Variants in ZSWIM8 observed in about 807,000 individuals in gnomAD.
ZSWIM8 encodes zinc finger SWIM-type containing 8, also known as zinc finger SWIM domain-containing protein 8.
ZSWIM8 carries 27 observed loss-of-function variants against 173.7 expected under a neutral mutation model. That is an observed-to-expected ratio of 0.16 (90% confidence interval 0.11 to 0.21). ZSWIM8 has a LOEUF of 0.21. ZSWIM8 is among the 10% of genes least tolerant of loss of function. The pLI is 1.00. For missense variants in ZSWIM8, 1,627 were observed against 2,428.8 expected, an observed-to-expected ratio of 0.67 and a Z score of 6.94; for synonymous variants, 958 against 962.0, an observed-to-expected ratio of 1.00 and a Z score of 0.08.
chr10:73,793,543 G>A, intron 10 of ZSWIM8, 45 bp from the exon 11 acceptor site: 2 of 1,530,662 alleles, frequency 1.3e-6, no homozygotes, highest in Non-Finnish European at 1.8e-6. Context: ...TCCTGCTCCT[G>A]GAAGTTGGGA....
In ZSWIM8 at chr10:73,796,851, C is replaced by T. The variant is rs1211214030; in HGVS notation, c.3111C>T (p.Arg1037=). The T allele has an allele frequency of 3.7e-6, 6 of 1,614,052 alleles. No individual in the cohort carries two copies. The highest frequency in any genetic ancestry group is 3.3e-4 in the Middle Eastern group (2 of 6,062). The change falls in exon 16 of 26, where the codon CGC becomes CGT. Residue 1037 remains arginine (R), a synonymous_variant. Coordinates refer to ENST00000604729, the MANE Select transcript of ZSWIM8 (RefSeq NM_001367799.1). ...QTLSSFYSSS[R]PTTASQRSPS... Reference sequence around the variant, plus strand: ...TGAGTTCTTTCTACTCATCTAGCCGCCCAACCACAGCCAGCCAGAGGTCTC... The same window carrying T: ...TGAGTTCTTTCTACTCATCTAGCCGTCCAACCACAGCCAGCCAGAGGTCTC...
At position 73,801,218 on chromosome 10, in the gene ZSWIM8, C is replaced by A. The variant is rs747969182; in HGVS notation, c.5301+23C>A. 2.6e-5 allele frequency: 41 copies of A among 1,600,030 alleles called. No homozygotes were observed. Among genetic ancestry groups the A allele is most frequent in the Non-Finnish European group, 3.0e-5 (35 of 1,172,096 alleles). The stretch of plus-strand genomic sequence containing the variant: ...CAGGTGACAACCTAGAATTATGGAG[C>A]AGGGTGGAGCACTTCCTGGGTGGTC... On this transcript the variant is annotated intron_variant, in intron 25 of 25. Transcript: ENST00000604729. This position sits in a 1 kb window ranked among gnomAD's most constrained non-coding sequence, Gnocchi z 4.9.
chr10:73,789,285 C>T lies in ZSWIM8; in HGVS notation c.458-82C>T, dbSNP rs1362277268. 6 of 1,593,858 alleles carry T rather than the reference C, an allele frequency of 3.8e-6. No homozygotes were observed. Among genetic ancestry groups the T allele is most frequent in the Non-Finnish European group, 4.3e-6 (5 of 1,167,726 alleles). The stretch of plus-strand genomic sequence containing the variant: ...ACCGCAAGAAGCTGGAGCATGTTGT[C>T]TGAATAACTGCAGGGCCAGGGTCAA... On this transcript the variant is annotated intron_variant, in intron 3 of 25. Transcript: ENST00000604729. The surrounding 1 kb of genome is among the most constrained non-coding windows in gnomAD (Gnocchi z 6.8).
rs749073431 is a variant in ZSWIM8, at chr10:73,786,104, G to A, written c.208+18G>A. On this transcript the variant is annotated intron_variant, in intron 1 of 25. Coordinates refer to ENST00000604729, the MANE Select transcript of ZSWIM8 (RefSeq NM_001367799.1). ...AATGCGAGGTGAGAGTGAGCTGGGG[G>A]GAAGAGGAGCGGCAGGCCCTGCTTG... 16 of 1,536,242 alleles carry A rather than the reference G, an allele frequency of 1.0e-5. No individual in the cohort carries two copies. In the Admixed American group the frequency reaches 2.5e-4, roughly 24 times the overall value.
intron 6 of ZSWIM8, 21 bp downstream of exon 6, chr10:73,790,058 T>A (rs1265148405): frequency 3.1e-6 from 5 of 1,609,976 alleles, no homozygotes; most frequent in African/African-American, 2.7e-5. Flanking sequence ...TGAGAAAGAT[T>A]GGCAGTAGGA....
At position 73,785,786 on chromosome 10, in the gene ZSWIM8, C is replaced by T. The variant is rs1450216208; in HGVS notation, c.-93C>T. The T allele has an allele frequency of 1.5e-6, 2 of 1,371,216 alleles. No individual in the cohort carries two copies. The highest frequency in any genetic ancestry group is 3.1e-5 in the East Asian group (1 of 31,948). 84.9% of individuals were successfully genotyped at this position (1,371,216 alleles called of 1,614,324 possible). A position where few individuals can be genotyped will look rare whatever the true frequency, so the allele number is the denominator to read the frequency against. ...CCCGGCCACCCCCAGCCCCGGCTCGCCCCTCAGGCCCCGGGCCTCCCCTCA... is the reference window on the plus strand; with the variant it reads ...CCCGGCCACCCCCAGCCCCGGCTCGTCCCTCAGGCCCCGGGCCTCCCCTCA... On this transcript the variant is annotated 5_prime_UTR_variant, in exon 1 of 26. Coordinates refer to ENST00000604729, the MANE Select transcript of ZSWIM8 (RefSeq NM_001367799.1).
Position 73,789,580 on chromosome 10 carries a change from C to T in ZSWIM8, c.630+41C>T. 2.5e-6 allele frequency: 4 copies of T among 1,597,666 alleles called. No individual in the cohort carries two copies. The highest frequency in any genetic ancestry group is 4.5e-5 in the East Asian group (2 of 44,512). The stretch of plus-strand genomic sequence containing the variant: ...TTTATCCCGGCCCTATCCTACACTC[C>T]ATCCCCCCCTTCTCTGCTGCATGCC... On this transcript the variant is annotated intron_variant, in intron 4 of 25. Transcript: ENST00000604729. This position sits in a 1 kb window ranked among gnomAD's most constrained non-coding sequence, Gnocchi z 6.8.
chr10:73,794,300 A>G lies in ZSWIM8; in HGVS notation c.2779A>G (p.Ser927Gly). ...YRPVLPLMLA[S>G]FIFDVLCAPV... The stretch of plus-strand genomic sequence containing the variant: ...GCCTGTGTTGCCTCTCATGCTGGCC[A>G]GTTTCATCTTTGACGTTCTCTGTGC... Residue 927 changes from serine (S) to glycine (G), a missense_variant, in exon 13 of 26, where the codon AGT becomes GGT. By Grantham distance (56) the Ser-to-Gly change is moderately conservative. Transcript: ENST00000604729. 1 of 1,613,968 alleles carries G rather than the reference A, an allele frequency of 6.2e-7. No individual in the cohort carries two copies. The highest frequency in any genetic ancestry group is 8.5e-7 in the Non-Finnish European group (1 of 1,179,888).
rs777201204 is a variant in ZSWIM8 at position 73,797,955 on chromosome 10, C to A, written c.3837C>A (p.His1279Gln). 6.2e-7 allele frequency: 1 copy of A among 1,614,050 alleles called. No homozygotes were observed. The highest frequency in any genetic ancestry group is 1.1e-5 in the South Asian group (1 of 91,086). Residue 1279 changes from histidine (H) to glutamine (Q), a missense_variant, in exon 19 of 26, where the codon CAC (histidine) becomes CAA (glutamine). Around this residue, in one of 18 missense-constraint regions of ZSWIM8, gnomAD observed 95 missense variants for 271.3 expected, o/e 0.35. Transcript: ENST00000604729. The surrounding 1 kb of genome is among the most constrained non-coding windows in gnomAD (Gnocchi z 5.6). ...CCTCAGGGGGCCACCAGGGTCCTCACCGCAACCTGCACCTTTGCGCCTTCG... is the reference window on the plus strand; with the variant it reads ...CCTCAGGGGGCCACCAGGGTCCTCAACGCAACCTGCACCTTTGCGCCTTCG... ...PSSSGGHQGP[H>Q]RNLHLCAFEI... is the part of the protein sequence containing the mutation.
chr10:73,792,213 A>G lies in ZSWIM8; in HGVS notation c.1674A>G (p.Ser558=). 6.5e-7 allele frequency: 1 copy of G among 1,543,204 alleles called. No homozygotes were observed. Among genetic ancestry groups the G allele is most frequent in the African/African-American group, 1.4e-5 (1 of 72,856 alleles). ...KRKGLGEGVP[S]SQRGPRRLSA... ...AGGGCTTGGGTGAGGGGGTCCCCTC[A>G]TCACAGCGGGGTCCCCGCCGCCTCT... Residue 558 remains serine, a synonymous_variant, in exon 10 of 26, where the codon TCA becomes TCG. Coordinates refer to ENST00000604729, the MANE Select transcript of ZSWIM8 (RefSeq NM_001367799.1). This position sits in a 1 kb window ranked among gnomAD's most constrained non-coding sequence, Gnocchi z 4.3.
chr10:73,795,551 C>T lies in ZSWIM8; in HGVS notation c.2921C>T (p.Thr974Ile), dbSNP rs755156556. 1 of 1,613,900 alleles carries T rather than the reference C, an allele frequency of 6.2e-7. No individual in the cohort carries two copies. Among genetic ancestry groups the T allele is most frequent in the Non-Finnish European group, 8.5e-7 (1 of 1,179,848 alleles). The change falls in exon 15 of 26, where the codon ACA (threonine) becomes ATA (isoleucine). Residue 974 changes from threonine (T) to isoleucine (I), a missense_variant. By Grantham distance (89) the Thr-to-Ile change is moderately conservative. Coordinates refer to ENST00000604729, the MANE Select transcript of ZSWIM8 (RefSeq NM_001367799.1). ...AAVAALGMKTTVSEAEHPLLC... is the reference protein window; with the variant it reads ...AAVAALGMKTIVSEAEHPLLC... ...CTCTTTCTCGCAGGCATGAAGACAA[C>T]AGTGAGCGAGGCAGAACATCCCCTC...
chr10:73,799,249 T>G lies in ZSWIM8; in HGVS notation c.4424T>G (p.Val1475Gly). The change falls in exon 21 of 26, where the codon GTG becomes GGG. Residue 1475 changes from valine (V) to glycine (G), a missense_variant. Around this residue, in one of 18 missense-constraint regions of ZSWIM8, gnomAD observed 275 missense variants for 290.1 expected, o/e 0.95. Coordinates refer to ENST00000604729, the MANE Select transcript of ZSWIM8 (RefSeq NM_001367799.1). ...GGCCCAGGGACTGAGCCGGTTACAG[T>G]GGCAGCGGCAGCAGTGACAGCAGCA... ...RGGPGTEPVT[V>G]AAAAVTAAAT... 6.2e-7 allele frequency: 1 copy of G among 1,601,130 alleles called. No homozygotes were observed. Among genetic ancestry groups the G allele is most frequent in the Non-Finnish European group, 8.5e-7 (1 of 1,174,322 alleles).
chr10:73,797,738 C>T lies in ZSWIM8; in HGVS notation c.3663-43C>T, dbSNP rs1432637887. The T allele has an allele frequency of 1.3e-6, 2 of 1,586,508 alleles. No individual in the cohort carries two copies. The highest frequency in any genetic ancestry group is 1.7e-6 in the Non-Finnish European group (2 of 1,164,770). Reference sequence around the variant, plus strand: ...TCCCAACCTACCCGGATGCCCATTTCAAAGAAACCCCAACCCCCGTCCCTA... The same window carrying T: ...TCCCAACCTACCCGGATGCCCATTTTAAAGAAACCCCAACCCCCGTCCCTA... On this transcript the variant is annotated intron_variant, in intron 18 of 25. Transcript: ENST00000604729. The surrounding 1 kb of genome is among the most constrained non-coding windows in gnomAD (Gnocchi z 5.6).
At position 73,797,644 on chromosome 10, in the gene ZSWIM8, C is replaced by T. The variant is rs895898659; in HGVS notation, c.3662+39C>T. 6.9e-6 allele frequency: 11 copies of T among 1,605,192 alleles called. No individual in the cohort carries two copies. The highest frequency in any genetic ancestry group is 2.2e-5 in the East Asian group (1 of 44,790). ...ACTCCCCATCTTCCCTGATCTGGCC[C>T]ACCCTCAGAGCCACACCCCTAGTGC... On this transcript the variant is annotated intron_variant, in intron 18 of 25. Coordinates refer to ENST00000604729, the MANE Select transcript of ZSWIM8 (RefSeq NM_001367799.1). This position sits in a 1 kb window ranked among gnomAD's most constrained non-coding sequence, Gnocchi z 5.6.
chr10:73,797,429 C>G lies in ZSWIM8; in HGVS notation c.3486C>G (p.Pro1162=). The G allele has an allele frequency of 6.2e-7, 1 of 1,613,924 alleles. No homozygotes were observed. Among genetic ancestry groups the G allele is most frequent in the African/African-American group, 1.3e-5 (1 of 75,024 alleles). ...CTGAAACAACATCGGATAGTTCCCC[C>G]ACCTTAAGCCGGAGACCACTTCGAG... The part of the protein sequence containing the change: ...SAPETTSDSS[P]TLSRRPLRGG... Residue 1162 remains proline, a synonymous_variant, in exon 18 of 26, where the codon CCC becomes CCG. Coordinates refer to ENST00000604729, the MANE Select transcript of ZSWIM8 (RefSeq NM_001367799.1). The surrounding 1 kb of genome is among the most constrained non-coding windows in gnomAD (Gnocchi z 5.6).
rs371586860 is a variant in ZSWIM8, at chr10:73,797,171, G to A, written c.3333G>A (p.Arg1111=). 6 of 1,613,762 alleles carry A rather than the reference G, an allele frequency of 3.7e-6. No homozygotes were observed. The highest frequency in any genetic ancestry group is 2.7e-5 in the African/African-American group (2 of 74,918). The change falls in exon 17 of 26, where the codon AGG becomes AGA. Residue 1111 remains arginine, a synonymous_variant. Coordinates refer to ENST00000604729, the MANE Select transcript of ZSWIM8 (RefSeq NM_001367799.1). This position sits in a 1 kb window ranked among gnomAD's most constrained non-coding sequence, Gnocchi z 5.6. ...GLPSEAALTP[R]PEGKVPSRLA... is the part of the protein sequence containing the mutation. ...CATCTGAGGCAGCTTTGACCCCAAGGCCAGAAGGGAAGGTTCCTAGCCGCT... is the reference window on the plus strand; with the variant it reads ...CATCTGAGGCAGCTTTGACCCCAAGACCAGAAGGGAAGGTTCCTAGCCGCT...
At position 73,785,947 on chromosome 10, in the gene ZSWIM8, G is replaced by A; in HGVS notation, c.69G>A (p.Glu23=). The A allele has an allele frequency of 3.2e-6, 5 of 1,563,778 alleles. No individual in the cohort carries two copies. Among genetic ancestry groups the A allele is most frequent in the Non-Finnish European group, 4.3e-6 (5 of 1,154,188 alleles). ...CATTCGAGGATTCGGACCGTTTTGA[G>A]GAGGATTCACTCTGTTCCTTCATCT... ...RFSFEDSDRF[E]EDSLCSFISE... is the part of the protein sequence containing the mutation. Residue 23 remains glutamate, a synonymous_variant, in exon 1 of 26, where the codon GAG becomes GAA. Transcript: ENST00000604729.
chr10:73,800,256 T>C lies in ZSWIM8; in HGVS notation c.4826-40T>C, dbSNP rs372792983. 87 of 1,612,084 alleles carry C rather than the reference T, an allele frequency of 5.4e-5. No individual in the cohort carries two copies. Among genetic ancestry groups the C allele is most frequent in the Admixed American group, 3.8e-4 (23 of 59,960 alleles). On this transcript the variant is annotated intron_variant, in intron 22 of 25. Coordinates refer to ENST00000604729, the MANE Select transcript of ZSWIM8 (RefSeq NM_001367799.1). This position sits in a 1 kb window ranked among gnomAD's most constrained non-coding sequence, Gnocchi z 4.1. ...GGGAGGGAATGTTCTTTGTCTCTCT[T>C]TGGGCTCTGAGTTCCTCACATGGCT...
Position 73,799,334 on chromosome 10 carries a change from G to A in ZSWIM8, c.4509G>A (p.Gly1503=). 1 of 1,609,980 alleles carries A rather than the reference G, an allele frequency of 6.2e-7. No homozygotes were observed. Among genetic ancestry groups the A allele is most frequent in the Non-Finnish European group, 8.5e-7 (1 of 1,178,284 alleles). ...GSSLYPGPGL[G]HGHSPGLHPY... is the part of the protein sequence containing the mutation. ...GTTTATACCCGGGTCCAGGACTGGG[G>A]CATGGCCACTCCCCTGGCCTGCACC... Residue 1503 remains glycine (G), a synonymous_variant, in exon 21 of 26, where the codon GGG becomes GGA. Coordinates refer to ENST00000604729, the MANE Select transcript of ZSWIM8 (RefSeq NM_001367799.1).
Sources: gnomAD v4.1 joint callset for allele counts on GRCh38, gnomAD v4.1.1 for gene constraint, gnomAD v4.1.1 regional missense constraint, Gnocchi (gnomAD v3.1) non-coding constraint, MANE v1.5 for transcripts, NCBI Gene and HGNC (gene_info 2026-07-23, HGNC 2026-07-21) for gene names.